The following CSMD3 variants were observed in gnomAD, a reference collection of about 807,000 sequenced individuals.
CSMD3 encodes CUB and sushi domain-containing protein 3.
A neutral mutation model predicts 435.2 loss-of-function variants in CSMD3; 177 were observed. That is an observed-to-expected ratio of 0.41 (90% confidence interval 0.36 to 0.46). The LOEUF (loss-of-function observed/expected upper bound fraction) is 0.46. Among genes scored for constraint, CSMD3 ranks in the 20% least tolerant of loss-of-function variants. The probability of loss-of-function intolerance (pLI) is 0.34; values close to 1 mark genes in which losing one functional copy is unlikely to be tolerated. For missense variants in CSMD3, 4,265 were observed against 4,504.6 expected, an observed-to-expected ratio of 0.95 and a Z score of 1.52; for synonymous variants, 1,656 against 1,520.5, an observed-to-expected ratio of 1.09 and a Z score of -2.07.
chr8:112,277,677 G>T (rs193012580), intron 59 of CSMD3, among the ~76,000 whole-genome samples: 8 of 152,236 alleles, frequency 5.3e-5, no homozygotes, highest in African/African-American at 1.9e-4. Flanking sequence ...CCAAGACTGG[G>T]TAATTTATAA....
At chr8:113,118,785 T>C (rs1160740491) in intron 4 of CSMD3, among the ~76,000 whole-genome samples, 1 of 152,184 alleles carries the variant, frequency 6.6e-6, no homozygotes, top group African/African-American at 2.4e-5. Context: ...TTTTTGTCAG[T>C]AAGAAGATTC....
intron 12 of CSMD3, among the ~76,000 whole-genome samples, chr8:112,822,672 T>C (rs1328764489): frequency 6.6e-6 from 1 of 152,072 alleles, no homozygotes. Context: ...AACCATCCTA[T>C]GTTGAATAGG....
At chr8:113,238,880 T>A (rs994958105) in intron 3 of CSMD3, among the ~76,000 whole-genome samples, 1 of 152,080 alleles carries the variant, frequency 6.6e-6, no homozygotes, top group Non-Finnish European at 1.5e-5. Flanking sequence ...TTTGTCAACA[T>A]GACTGGACCA....
chr8:112,970,673 G>A (rs2084617309), intron 7 of CSMD3, among the ~76,000 whole-genome samples: 1 of 150,734 alleles, frequency 6.6e-6, no homozygotes, highest in South Asian at 2.1e-4. Context: ...GGGTCTTAGT[G>A]ACATAAATAT....
Position 113,210,676 on chromosome 8 carries a change from G to A in CSMD3, c.515-36760C>T, listed in dbSNP as rs140840838. On this transcript the variant is annotated intron_variant, in intron 3 of 70. Transcript: ENST00000297405. ...GCCGGTCACCTGAGGTCAGGAGTTCGAGACCAGCCTGGCCAACATGGTGAA... is the reference window on the plus strand; with the variant it reads ...GCCGGTCACCTGAGGTCAGGAGTTCAAGACCAGCCTGGCCAACATGGTGAA... Among the ~76,000 whole-genome samples the A allele has an allele frequency of 6.5e-3, 985 of 151,970 alleles. 6 individuals are homozygous for A. Among genetic ancestry groups the A allele is most frequent in the Middle Eastern group, 0.017 (5 of 294 alleles).
chr8:112,996,919 TCTCACCCAGGATAACAGAACTGTA>T (rs1311395374), intron 6 of CSMD3, among the ~76,000 whole-genome samples: 1 of 151,636 alleles, frequency 6.6e-6, no homozygotes, highest in African/African-American at 2.4e-5. Context: ...CATTTTGTGT[TCTCACCCAGGATAACAGAACTGTA>T]AAAGAGATAA....
chr8:113,314,334 T>G (rs1266386822), intron 2 of CSMD3: 2 of 494,418 alleles, frequency 4.0e-6, no homozygotes, highest in Non-Finnish European at 7.2e-6. Context: ...TATAAAGAGA[T>G]CACCACTCAA....
At chr8:113,302,712 C>T (rs920224979) in intron 2 of CSMD3, among the ~76,000 whole-genome samples, 9 of 150,244 alleles carry the variant, frequency 6.0e-5, no homozygotes, top group Non-Finnish European at 1.2e-4. Context: ...ATTCAACAAC[C>T]CTTCATGCTA....
chr8:112,685,961 T>C (rs899319019), intron 14 of CSMD3, among the ~76,000 whole-genome samples: 3 of 135,944 alleles, frequency 2.2e-5, no homozygotes, highest in African/African-American at 6.2e-5. Context: ...AAAAATATAA[T>C]TGGAATAATA....
At chr8:112,913,746 T>C (rs184422115) in intron 10 of CSMD3, among the ~76,000 whole-genome samples, 1 of 151,538 alleles carries the variant, frequency 6.6e-6, no homozygotes, top group Non-Finnish European at 1.5e-5. Flanking sequence ...GGCTTTATAC[T>C]TAGTTGTCTC....
At chr8:113,173,960 A>G in intron 3 of CSMD3, 44 bp from the exon 4 acceptor site, 2 of 1,401,716 alleles carry the variant, frequency 1.4e-6, no homozygotes, top group Non-Finnish European at 2.0e-6. Flanking sequence ...TATTTCAATA[A>G]GCAGTTTATT....
chr8:113,127,393 C>T (rs1319698782), intron 4 of CSMD3, among the ~76,000 whole-genome samples: 2 of 152,058 alleles, frequency 1.3e-5, no homozygotes, highest in South Asian at 2.1e-4. Context: ...GCCATCCTTG[C>T]ATGTAACATT....
chr8:112,289,929 T>C (rs1819597208), intron 56 of CSMD3, among the ~76,000 whole-genome samples: 1 of 152,114 alleles, frequency 6.6e-6, no homozygotes, highest in Admixed American at 6.6e-5. Flanking sequence ...GTGGATTTGC[T>C]AAGTAAGGAC....
intron 16 of CSMD3, among the ~76,000 whole-genome samples, chr8:112,672,562 T>C (rs2075683046): frequency 6.6e-6 from 1 of 152,020 alleles, no homozygotes; most frequent in African/African-American, 2.4e-5. Flanking sequence ...ACAGGAAATT[T>C]AAGGGATGTG....
chr8:112,921,257 G>T (rs1018024848), intron 10 of CSMD3, among the ~76,000 whole-genome samples: 1 of 151,932 alleles, frequency 6.6e-6, no homozygotes, highest in Middle Eastern at 3.4e-3. Flanking sequence ...TTGTAGACAC[G>T]GACACATAAG....
intron 30 of CSMD3, among the ~76,000 whole-genome samples, chr8:112,493,718 T>C (rs1293378113): frequency 6.6e-6 from 1 of 152,102 alleles, no homozygotes; most frequent in Non-Finnish European, 1.5e-5. Flanking sequence ...AATTTGAAAA[T>C]ATGTAGAGAA....
At chr8:112,427,707 C>T (rs1813218852) in intron 32 of CSMD3, among the ~76,000 whole-genome samples, 1 of 152,128 alleles carries the variant, frequency 6.6e-6, no homozygotes, top group African/African-American at 2.4e-5. Flanking sequence ...GCAGGGTCAG[C>T]TTCATGGAGC....
chr8:113,130,746 A>G (rs2091263661), intron 4 of CSMD3, among the ~76,000 whole-genome samples: 1 of 152,118 alleles, frequency 6.6e-6, no homozygotes, highest in African/African-American at 2.4e-5. Context: ...GGCTCAGAAG[A>G]AGACAGGAAG....
chr8:112,450,385 G>T (rs1816123936), intron 32 of CSMD3, among the ~76,000 whole-genome samples: 1 of 152,096 alleles, frequency 6.6e-6, no homozygotes, highest in South Asian at 2.1e-4. Flanking sequence ...AGAAAATAGG[G>T]GTTTTAAAAA....
Sources: allele counts gnomAD v4.1 joint callset (sites outside exome capture counted in the v4.1 genomes callset), GRCh38; gene constraint gnomAD v4.1.1; transcripts MANE v1.5; gene names NCBI Gene and HGNC (gene_info 2026-07-23, HGNC 2026-07-21).